Variants in C2CD2L observed in about 807,000 individuals in gnomAD.
The protein encoded by C2CD2L is C2CD2 like.
Under a neutral mutation model 69.9 loss-of-function variants are expected in C2CD2L, and 24 were observed. The observed-to-expected ratio is 0.34, with a 90% CI of 0.25 to 0.48. The LOEUF is 0.48. C2CD2L is among the 20% of genes least tolerant of loss of function. The pLI is 0.99. For missense variants in C2CD2L, 811 were observed against 941.5 expected (o/e 0.86, Z 1.81); for synonymous variants, 367 against 391.0 (o/e 0.94, Z 0.72).
rs1386771498 is a variant in C2CD2L, at chr11:119,110,648, T to C, written c.538T>C (p.Tyr180His). Residue 180 changes from tyrosine to histidine, a missense_variant, in exon 3 of 14, where the codon TAC becomes CAC. Tyr to His is a moderately conservative substitution (Grantham distance 83). Transcript: ENST00000648610. This position sits in a 1 kb window ranked among gnomAD's most constrained non-coding sequence, Gnocchi z 5.7. ...QSPAAVSMET[Y>H]HVTLTLPPTQ... is the part of the protein sequence containing the mutation. Reference sequence around the variant, plus strand: ...CCCCGCTGCCGTCTCCATGGAGACCTACCACGTCACTCTGACACTGCCACC... The same window carrying C: ...CCCCGCTGCCGTCTCCATGGAGACCCACCACGTCACTCTGACACTGCCACC... 6.2e-7 allele frequency: 1 copy of C among 1,613,754 alleles called. No individual in the cohort carries two copies. Among genetic ancestry groups the C allele is most frequent in the East Asian group, 2.2e-5 (1 of 44,880 alleles).
Position 119,111,122 on chromosome 11 carries a change from C to T in C2CD2L, c.752C>T (p.Pro251Leu). The T allele has an allele frequency of 6.2e-7, 1 of 1,614,002 alleles. No individual in the cohort carries two copies. The highest frequency in any genetic ancestry group is 2.2e-5 in the East Asian group (1 of 44,882). Residue 251 changes from proline to leucine, a missense_variant, in exon 5 of 14, where the codon CCA becomes CTA. By Grantham distance (98) the Pro-to-Leu change is moderately conservative. Transcript: ENST00000648610. ...LIKDAIVSTQPAMMVNLRACS... is the reference protein window; with the variant it reads ...LIKDAIVSTQLAMMVNLRACS... ...AAGGATGCCATAGTCAGCACCCAGC[C>T]AGCCATGATGGTCAACCTCAGGGCT...
In C2CD2L at chr11:119,113,748, C is replaced by A. The variant is rs768046944; in HGVS notation, c.1489+36C>A. The A allele has an allele frequency of 1.9e-6, 3 of 1,612,560 alleles. No individual in the cohort carries two copies. The East Asian group carries it at 6.7e-5, about 36-fold the overall frequency. ...AATGGGGTGCATGAGTGTGGGTTGG[C>A]CCTGGTGCCCCAGCATCAAAAAGTA... is the stretch of plus-strand genomic sequence containing the variant. On this transcript the variant is annotated intron_variant, in intron 11 of 13. Coordinates refer to ENST00000648610, the MANE Select transcript of C2CD2L (RefSeq NM_001290474.2).
chr11:119,114,376 G>T lies in C2CD2L; in HGVS notation c.1909+11G>T, dbSNP rs754536601. On this transcript the variant is annotated intron_variant, in intron 13 of 13. Transcript: ENST00000648610. The surrounding 1 kb of genome is among the most constrained non-coding windows in gnomAD (Gnocchi z 5.1). ...TCAAGGATCACAAAGGTAGGGGGAC[G>T]TTGGCAGGGTGCCCCTCATCTCTTC... 6.2e-7 allele frequency: 1 copy of T among 1,613,036 alleles called. No individual in the cohort carries two copies. The highest frequency in any genetic ancestry group is 1.7e-5 in the Admixed American group (1 of 59,988).
At position 119,110,571 on chromosome 11, in the gene C2CD2L, G is replaced by A. The variant is rs768041337; in HGVS notation, c.461G>A (p.Cys154Tyr). ...CCTCGCCGGTCTCAGGTGCTGCGTT[G>A]CCAGCTCTCTGCTGAGGAGGTGCGG... ...DQSEHTMVLR[C>Y]QLSAEEVRFP... is the part of the protein sequence containing the mutation. Residue 154 changes from cysteine (C) to tyrosine (Y), a missense_variant, in exon 3 of 14, where the codon TGC becomes TAC. Transcript: ENST00000648610. This position sits in a 1 kb window ranked among gnomAD's most constrained non-coding sequence, Gnocchi z 5.7. 8.7e-6 allele frequency: 14 copies of A among 1,608,680 alleles called. No homozygotes were observed. Among genetic ancestry groups the A allele is most frequent in the Non-Finnish European group, 1.2e-5 (14 of 1,179,082 alleles).
intron 1 of C2CD2L, among the ~76,000 whole-genome samples, chr11:119,108,938 T>G (rs1429946376): frequency 6.6e-6 from 1 of 152,214 alleles, no homozygotes; most frequent in African/African-American, 2.4e-5. Flanking sequence ...GTTCCCCAGA[T>G]GCCGGAAACA....
Position 119,110,141 on chromosome 11 carries a change from TCCCA to T in C2CD2L, c.397_400del (p.Pro133GlufsTer7). On this transcript the variant is annotated frameshift_variant, in exon 2 of 14. Transcript: ENST00000648610. LOFTEE classifies it high-confidence loss of function. This position sits in a 1 kb window ranked among gnomAD's most constrained non-coding sequence, Gnocchi z 5.7. ...ATCGCCTTTGAGGAGGTGCCCCAACTCCCACCCAGAGCCAGCATCAGTCATGTGA... is the reference window on the plus strand; with the variant it reads ...ATCGCCTTTGAGGAGGTGCCCCAACTCCCAGAGCCAGCATCAGTCATGTGA... 1 of 1,613,926 alleles carries T rather than the reference TCCCA, an allele frequency of 6.2e-7. No homozygotes were observed. The highest frequency in any genetic ancestry group is 8.5e-7 in the Non-Finnish European group (1 of 1,179,856).
intron 10 of C2CD2L, chr11:119,113,352 A>C: frequency 2.1e-6 from 1 of 468,578 alleles, no homozygotes. Context: ...GAGCCCCAGT[A>C]CCCCCTCTGT....
At chr11:119,108,915 C>T (rs947621084) in intron 1 of C2CD2L, among the ~76,000 whole-genome samples, 1 of 152,166 alleles carries the variant, frequency 6.6e-6, no homozygotes, top group African/African-American at 2.4e-5. Flanking sequence ...AGTTTGGAGG[C>T]TTTACCTTAC....
At chr11:119,113,575 C>T in intron 10 of C2CD2L, 36 bp from the exon 11 acceptor site, 1 of 1,590,632 alleles carries the variant, frequency 6.3e-7, no homozygotes. Flanking sequence ...CACTCTGAAG[C>T]AACTCCCAGC....
At chr11:119,113,255 G>A in intron 10 of C2CD2L, 1 of 384,158 alleles carries the variant, frequency 2.6e-6, no homozygotes, top group Non-Finnish European at 4.7e-6. Flanking sequence ...AAACCCAGAG[G>A]CCTCTGTGGC....
chr11:119,110,703 G>A lies in C2CD2L; in HGVS notation c.570+23G>A. 6.2e-7 allele frequency: 1 copy of A among 1,613,752 alleles called. No homozygotes were observed. The highest frequency in any genetic ancestry group is 8.5e-7 in the Non-Finnish European group (1 of 1,179,850). ...CAGGTAGAAGGGGATGTGGGAAACT[G>A]AGTTGGGCAGGGGCGGTTCCATTGG... is the stretch of plus-strand genomic sequence containing the variant. On this transcript the variant is annotated intron_variant, in intron 3 of 13. Transcript: ENST00000648610. The surrounding 1 kb of genome is among the most constrained non-coding windows in gnomAD (Gnocchi z 5.7).
intron 7 of C2CD2L, chr11:119,112,050 C>G: frequency 4.0e-6 from 2 of 501,276 alleles, no homozygotes; most frequent in South Asian, 4.8e-5. Context: ...AGAGCTGGAG[C>G]AAATGAAAGA....
chr11:119,108,029 G>A lies in C2CD2L; in HGVS notation c.288G>A (p.Lys96=). Residue 96 remains lysine, a synonymous_variant, in exon 1 of 14, where the codon AAG becomes AAA. Coordinates refer to ENST00000648610, the MANE Select transcript of C2CD2L (RefSeq NM_001290474.2). ...RGLLASLFAF[K]SFRENWQRAW... is the part of the protein sequence containing the mutation. ...TCCTGGCGTCACTCTTCGCCTTCAAGTCTTTCCGGGAGAACTGGCAGCGGG... is the reference window on the plus strand; with the variant it reads ...TCCTGGCGTCACTCTTCGCCTTCAAATCTTTCCGGGAGAACTGGCAGCGGG... 2 of 1,600,080 alleles carry A rather than the reference G, an allele frequency of 1.2e-6. No individual in the cohort carries two copies. The highest frequency in any genetic ancestry group is 1.1e-5 in the South Asian group (1 of 90,636).
In C2CD2L at chr11:119,114,343, C is replaced by T. The variant is rs1297912597; in HGVS notation, c.1887C>T (p.Thr629=). The change falls in exon 13 of 14, where the codon ACC becomes ACT. Residue 629 remains threonine (T), a synonymous_variant. Transcript: ENST00000648610. The surrounding 1 kb of genome is among the most constrained non-coding windows in gnomAD (Gnocchi z 5.1). ...CGGGGTCCACTGGTGCCCTGGAGAC[C>T]CGCAGCCTCAAGGATCACAAAGGTA... ...SETGSTGALE[T]RSLKDHKVSF... 1 of 1,614,122 alleles carries T rather than the reference C, an allele frequency of 6.2e-7. No individual in the cohort carries two copies. The highest frequency in any genetic ancestry group is 2.2e-5 in the East Asian group (1 of 44,884).
Position 119,116,091 on chromosome 11 carries a change from T to C in C2CD2L, c.1956T>C (p.Pro652=), listed in dbSNP as rs1305737160. The C allele has an allele frequency of 6.2e-7, 1 of 1,614,040 alleles. No homozygotes were observed. Among genetic ancestry groups the C allele is most frequent in the Non-Finnish European group, 8.5e-7 (1 of 1,179,992 alleles). The part of the protein sequence containing the change: ...SGTKLIFRRR[P]RQKEAGLSQS... ...CTAAGCTCATCTTCCGCCGGAGGCC[T>C]AGGCAGAAGGAAGCTGGCCTGAGCC... The change falls in exon 14 of 14, where the codon CCT becomes CCC. Residue 652 remains proline, a synonymous_variant. Coordinates refer to ENST00000648610, the MANE Select transcript of C2CD2L (RefSeq NM_001290474.2).
chr11:119,104,856 A>G (rs763329623), upstream of C2CD2L, among the ~76,000 whole-genome samples: 23 of 152,230 alleles, frequency 1.5e-4, no homozygotes, highest in Admixed American at 5.9e-4. Flanking sequence ...GGGCTGTGAT[A>G]CTTGCAGGAC....
In C2CD2L at chr11:119,116,431, G is replaced by C; in HGVS notation, c.*175G>C. On this transcript the variant is annotated 3_prime_UTR_variant, in exon 14 of 14. Transcript: ENST00000648610. ...GATACTTGGAACGGGAAGCACATGA[G>C]AGGTGGGCACCCGGTGCCGAGGACA... 1.6e-6 allele frequency: 1 copy of C among 614,806 alleles called. No homozygotes were observed. The highest frequency in any genetic ancestry group is 3.9e-4 in the Middle Eastern group (1 of 2,588). 38.1% of individuals were successfully genotyped at this position (614,806 alleles called of 1,614,324 possible). A position where few individuals can be genotyped will look rare whatever the true frequency, so the allele number is the denominator to read the frequency against.
At chr11:119,102,697 G>A (rs1004257036), upstream of C2CD2L, among the ~76,000 whole-genome samples, 13 of 151,936 alleles carry the variant, frequency 8.6e-5, no homozygotes, top group African/African-American at 2.7e-4. Context: ...GCTCTGGAAA[G>A]AGCTGAGGAG....
rs561253373 is a variant in C2CD2L, at chr11:119,114,345, G to A, written c.1889G>A (p.Arg630His). Reference protein sequence around the residue: ...ETGSTGALETRSLKDHKVSFL... With the variant: ...ETGSTGALETHSLKDHKVSFL... ...GGGTCCACTGGTGCCCTGGAGACCC[G>A]CAGCCTCAAGGATCACAAAGGTAGG... The change falls in exon 13 of 14, where the codon CGC (arginine) becomes CAC (histidine). Residue 630 changes from arginine (R) to histidine (H), a missense_variant. By Grantham distance (29) the Arg-to-His change is conservative (BLOSUM62 0). Transcript: ENST00000648610. The surrounding 1 kb of genome is among the most constrained non-coding windows in gnomAD (Gnocchi z 5.1). 40 of 1,614,070 alleles carry A rather than the reference G, an allele frequency of 2.5e-5. No individual in the cohort carries two copies. Among genetic ancestry groups the A allele is most frequent in the Middle Eastern group, 3.3e-4 (2 of 6,062 alleles).
Sources: gnomAD v4.1 joint callset for allele counts (sites outside exome capture counted in the v4.1 genomes callset) on GRCh38, gnomAD v4.1.1 for gene constraint, Gnocchi (gnomAD v3.1) non-coding constraint, MANE v1.5 for transcripts, NCBI Gene and HGNC (gene_info 2026-07-23, HGNC 2026-07-21) for gene names.